The following LAMA3 variants were observed in gnomAD, a reference collection of about 807,000 sequenced individuals.
LAMA3 encodes laminin subunit alpha 3.
LAMA3 carries 281 observed loss-of-function variants against 402.0 expected under a neutral mutation model. That is an observed-to-expected ratio of 0.70 (90% CI 0.63 to 0.77). The LOEUF (loss-of-function observed/expected upper bound fraction) is 0.77, where lower values mean the gene tolerates loss of function less well. Among genes scored for constraint, LAMA3 ranks in the 30% least tolerant of loss-of-function variants. The pLI is 0.00. For synonymous variants in LAMA3, 1,431 were observed against 1,558.4 expected (o/e 0.92, Z 1.93); for missense variants, 3,840 against 4,215.5 (o/e 0.91, Z 2.47).
chr18:23,869,462 A>C (rs1365596548), intron 37 of LAMA3, among the ~76,000 whole-genome samples: 1 of 152,202 alleles, frequency 6.6e-6, no homozygotes, highest in African/African-American at 2.4e-5. Context: ...AATGTTCTAA[A>C]ATTACATTAT....
At chr18:23,912,957 C>A (rs552230043) in intron 56 of LAMA3, 76 bp downstream of exon 56, 9 of 1,323,412 alleles carry the variant, frequency 6.8e-6, no homozygotes, top group South Asian at 1.2e-5. Context: ...ATGTGTGGCA[C>A]GGCTGCATCA....
Position 23,840,381 on chromosome 18 carries a change from C to CT in LAMA3, c.3336+471dup, listed in dbSNP as rs1303915333. On this transcript the variant is annotated intron_variant, in intron 27 of 74. Transcript: ENST00000313654. ...TTATTGTAGCCAAGAACCTTTCTTTCTTTTTTTTTTTTTTTTTTTGAGACA... is the reference window on the plus strand; with the variant it reads ...TTATTGTAGCCAAGAACCTTTCTTTCTTTTTTTTTTTTTTTTTTTTGAGACA... Among the ~76,000 whole-genome samples the CT allele has an allele frequency of 5.9e-3, 168 of 28,342 alleles. 1 individual carries two copies. Among genetic ancestry groups the CT allele is most frequent in the Middle Eastern group, 0.022 (1 of 46 alleles). 18.6% of individuals were successfully genotyped at this position (28,342 alleles called of 152,430 possible).
At chr18:23,932,313 GGTAACTGATGA>G (rs764439103) in intron 66 of LAMA3, 22 bp downstream of exon 66, 25 of 1,612,768 alleles carry the variant, frequency 1.6e-5, no homozygotes, top group Non-Finnish European at 2.0e-5. Flanking sequence ...TCTCTTTGTG[GGTAACTGATGA>G]GAACGGCCTG....
At chr18:23,767,665 C>A (rs2062104570) in intron 8 of LAMA3, among the ~76,000 whole-genome samples, 1 of 151,044 alleles carries the variant, frequency 6.6e-6, no homozygotes, top group Non-Finnish European at 1.5e-5. Flanking sequence ...GCACTGCCTC[C>A]CGGGTTCCAG....
At chr18:23,747,883 T>TG in intron 2 of LAMA3, 60 bp from the exon 3 acceptor site, 1 of 963,662 alleles carries the variant, frequency 1.0e-6, no homozygotes, top group Non-Finnish European at 1.7e-6. Context: ...CACATAGAGA[T>TG]GGTAGAAGCT....
intron 40 of LAMA3, among the ~76,000 whole-genome samples, chr18:23,883,216 T>A (rs113241481): frequency 0.012 from 1,890 of 152,246 alleles, 12 homozygotes; most frequent in Non-Finnish European, 0.02. Flanking sequence ...CTCAGTGCGA[T>A]GGAAATTTTG....
intron 37 of LAMA3, 27 bp from the exon 38 acceptor site, chr18:23,871,403 GA>G (rs1486150506): frequency 1.2e-6 from 2 of 1,601,054 alleles, no homozygotes; most frequent in Non-Finnish European, 1.7e-6. Context: ...GCCTAAGGAA[GA>G]CCCTGACTTT....
At chr18:23,796,051 G>A (rs1181486790) in intron 12 of LAMA3, 2 of 444,332 alleles carry the variant, frequency 4.5e-6, no homozygotes, top group Admixed American at 2.4e-5. Context: ...CCATCTACAA[G>A]CCAGAAAGCA....
chr18:23,698,218 T>TC (rs2060720425), intron 1 of LAMA3, among the ~76,000 whole-genome samples: 1 of 144,740 alleles, frequency 6.9e-6, no homozygotes, highest in Non-Finnish European at 1.5e-5. Flanking sequence ...TTTTTTTTTT[T>TC]TTTTTTGAGA....
intron 12 of LAMA3, among the ~76,000 whole-genome samples, chr18:23,794,400 T>C (rs752322099): frequency 6.6e-6 from 1 of 152,206 alleles, no homozygotes; most frequent in Non-Finnish European, 1.5e-5. Flanking sequence ...CTATATATCA[T>C]GATACCACAA....
chr18:23,929,773 A>T (rs11875008), intron 64 of LAMA3, among the ~76,000 whole-genome samples: 84 of 152,352 alleles, frequency 5.5e-4, no homozygotes, highest in African/African-American at 1.7e-3. Flanking sequence ...TGGCTTTTCC[A>T]TGAAAGCAGG....
At chr18:23,763,261 C>G (rs2062008992) in intron 7 of LAMA3, 144 bp from the exon 8 acceptor site, 3 of 658,264 alleles carry the variant, frequency 4.6e-6, no homozygotes, top group Non-Finnish European at 5.6e-6. Flanking sequence ...GTGTAAAGAT[C>G]CCTAAAAATT....
intron 10 of LAMA3, among the ~76,000 whole-genome samples, 182 bp downstream of exon 10, chr18:23,776,105 A>G (rs1416369771): frequency 6.6e-6 from 1 of 152,214 alleles, no homozygotes; most frequent in Non-Finnish European, 1.5e-5. Flanking sequence ...GGTACATTTT[A>G]CAGTCTTATT....
intron 21 of LAMA3, among the ~76,000 whole-genome samples, chr18:23,825,118 C>G (rs1337184373): frequency 6.6e-6 from 1 of 152,240 alleles, no homozygotes; most frequent in Non-Finnish European, 1.5e-5. Flanking sequence ...CCATGACACT[C>G]TTTCTGCTTT....
chr18:23,794,264 G>A (rs980391290), intron 12 of LAMA3, among the ~76,000 whole-genome samples: 7 of 152,218 alleles, frequency 4.6e-5, no homozygotes, highest in African/African-American at 1.7e-4. Context: ...CCTGCCTTGG[G>A]GCAGGTTAAA....
intron 38 of LAMA3, among the ~76,000 whole-genome samples, chr18:23,873,629 C>T (rs527379342): frequency 6.6e-6 from 1 of 152,134 alleles, no homozygotes; most frequent in African/African-American, 2.4e-5. Flanking sequence ...GAAAAGTGAT[C>T]AAAGTTTGCA....
rs528688773 is a variant in LAMA3, at chr18:23,877,670, G to T, written c.5112+1263G>T. On this transcript the variant is annotated intron_variant, in intron 39 of 74. Transcript: ENST00000313654. ...AATTGTTGTGAAGAGCCAACTGATA[G>T]AATATTTTGTTGGATTGTAATCTTA... 3.3e-5 allele frequency among the ~76,000 whole-genome samples: 5 copies of T among 152,310 alleles called. No homozygotes were observed. In the South Asian group the frequency reaches 1.0e-3, roughly 32 times the overall value.
At chr18:23,748,156 T>A in intron 3 of LAMA3, 96 bp downstream of exon 3, 3 of 872,510 alleles carry the variant, frequency 3.4e-6, no homozygotes, top group Non-Finnish European at 5.8e-6. Context: ...TGGCTGGGTG[T>A]GGTGGCTCAC....
In LAMA3 at chr18:23,810,644, G is replaced by A. The variant is rs975652253; in HGVS notation, c.1741+141G>A. On this transcript the variant is annotated intron_variant, in intron 13 of 74. Transcript: ENST00000313654. ...TGCTTTCACAGATCTAGTCTGCTTG[G>A]TTCCTCACCTGTTCAAGTCTGGTTT... is the stretch of plus-strand genomic sequence containing the variant. 9.9e-6 allele frequency: 9 copies of A among 908,692 alleles called. No homozygotes were observed. The East Asian group carries it at 2.3e-4, about 23-fold the overall frequency. 56.3% of individuals were successfully genotyped at this position (908,692 alleles called of 1,614,324 possible). A position where few individuals can be genotyped will look rare whatever the true frequency, so the allele number is the denominator to read the frequency against.
Sources: allele counts gnomAD v4.1 joint callset (sites outside exome capture counted in the v4.1 genomes callset), GRCh38; gene constraint gnomAD v4.1.1; transcripts MANE v1.5; gene names NCBI Gene and HGNC (gene_info 2026-07-23, HGNC 2026-07-21).